The following ZNF793 variants were observed in gnomAD, a reference collection of about 807,000 sequenced individuals.
ZNF793 encodes zinc finger protein 793.
A neutral mutation model predicts 12.4 loss-of-function variants in ZNF793; 5 were observed. The observed-to-expected ratio is 0.40, with a 90% CI of 0.21 to 0.84. The LOEUF (loss-of-function observed/expected upper bound fraction) is 0.84, where lower values mean the gene tolerates loss of function less well. Among genes scored for constraint, ZNF793 ranks in the 40% least tolerant of loss-of-function variants. The pLI is 0.35. For synonymous variants in ZNF793, 162 were observed against 172.4 expected (o/e 0.94, Z 0.47); for missense variants, 456 against 495.0 (o/e 0.92, Z 0.75).
At chr19:37,512,755 A>T (rs2042303691) in intron 2 of ZNF793, among the ~76,000 whole-genome samples, 1 of 152,210 alleles carries the variant, frequency 6.6e-6, no homozygotes. Context: ...CAGGGAAGTT[A>T]ACATTGAAAT....
At chr19:37,511,530 G>C (rs1200277965) in intron 2 of ZNF793, among the ~76,000 whole-genome samples, 1 of 152,110 alleles carries the variant, frequency 6.6e-6, no homozygotes, top group Admixed American at 6.6e-5. Flanking sequence ...AATCAGATGG[G>C]CATGGTGACA....
At chr19:37,510,385 G>A (rs1360325135) in intron 2 of ZNF793, among the ~76,000 whole-genome samples, 1 of 151,376 alleles carries the variant, frequency 6.6e-6, no homozygotes, top group African/African-American at 2.4e-5. Flanking sequence ...CTTGGTGGTG[G>A]GCGCCTGTAA....
In ZNF793 at chr19:37,532,444, A is replaced by T. The variant is rs374077681; in HGVS notation, c.104A>T (p.Asp35Val). 3 of 1,612,984 alleles carry T rather than the reference A, an allele frequency of 1.9e-6. No homozygotes were observed. In the African/African-American group the frequency reaches 4.0e-5, roughly 22 times the overall value. Residue 35 changes from aspartate to valine, a missense_variant, in exon 6 of 8, where the codon GAT becomes GTT. By Grantham distance (152) the Asp-to-Val change is radical. Coordinates refer to ENST00000627814, the MANE Select transcript of ZNF793 (RefSeq NM_001013659.3). ...CCTGCTCAGAGGGCCCTGTACCGGG[A>T]TGTGATGCTGGAAACCTATAGCAAC... ...LSPAQRALYR[D>V]VMLETYSNLV...
chr19:37,525,171 C>G (rs1336836530), intron 5 of ZNF793, among the ~76,000 whole-genome samples: 1 of 149,966 alleles, frequency 6.7e-6, no homozygotes. Flanking sequence ...GAGTCTTGCT[C>G]TCTGTCGCCC....
At chr19:37,514,236 A>G (rs1415165050) in intron 2 of ZNF793, among the ~76,000 whole-genome samples, 1 of 152,228 alleles carries the variant, frequency 6.6e-6, no homozygotes, top group Non-Finnish European at 1.5e-5. Context: ...GCTATGAACG[A>G]TTAAAATACT....
At position 37,542,349 on chromosome 19, in the gene ZNF793, C is replaced by T. The variant is rs9797618; in HGVS notation, c.*4470C>T. ...CAGAGGTTGCAGTGAGCCAAGATCG[C>T]GCCATTGCACTCCAACCTGGGCAAC... On this transcript the variant is annotated 3_prime_UTR_variant, in exon 8 of 8. Transcript: ENST00000627814. 0.25 allele frequency: 73,270 copies of T among 293,558 alleles called. 10,989 individuals carry two copies. The highest frequency in any genetic ancestry group is 0.64 in the East Asian group (7,448 of 11,626). The allele number at this position is 293,558 out of a possible 1,614,324, so 18.2% of individuals were successfully genotyped here. A position where few individuals can be genotyped will look rare whatever the true frequency, so the allele number is the denominator to read the frequency against.
At chr19:37,510,607 C>T (rs2042286404) in intron 2 of ZNF793, among the ~76,000 whole-genome samples, 1 of 151,542 alleles carries the variant, frequency 6.6e-6, no homozygotes, top group African/African-American at 2.4e-5. Flanking sequence ...TTCCTTGAGC[C>T]CAGGAGTTCA....
At chr19:37,508,656 A>G (rs1363948862) in intron 2 of ZNF793, among the ~76,000 whole-genome samples, 1 of 152,174 alleles carries the variant, frequency 6.6e-6, no homozygotes, top group Non-Finnish European at 1.5e-5. Flanking sequence ...CAGTGAAACG[A>G]GATTGTACCA....
intron 5 of ZNF793, among the ~76,000 whole-genome samples, chr19:37,530,002 T>A (rs2042445493): frequency 6.6e-6 from 1 of 151,680 alleles, no homozygotes; most frequent in African/African-American, 2.4e-5. Context: ...TGTTTCTCGG[T>A]GAGGGGGATG....
At chr19:37,535,509 G>C (rs1204854672) in intron 7 of ZNF793, 1 of 151,846 alleles carries the variant, frequency 6.6e-6, no homozygotes, top group Non-Finnish European at 1.5e-5. Flanking sequence ...AAATAAGCTA[G>C]AAAATAGTTA....
rs1396117791 is a variant in ZNF793 at position 37,538,592 on chromosome 19, C to G, written c.*713C>G. 1 of 152,054 alleles carries G rather than the reference C, an allele frequency of 6.6e-6. No individual in the cohort carries two copies. Among genetic ancestry groups the G allele is most frequent in the African/African-American group, 2.4e-5 (1 of 41,366 alleles). The allele number at this position is 152,054 out of a possible 1,614,324, so 9.4% of individuals were successfully genotyped here. ...AAAGTGTTGGGATTACAGGCATGAG[C>G]CAACGCGCCCAACCGACAGTGTTGT... On this transcript the variant is annotated 3_prime_UTR_variant, in exon 8 of 8. Coordinates refer to ENST00000627814, the MANE Select transcript of ZNF793 (RefSeq NM_001013659.3).
chr19:37,520,219 C>T lies in ZNF793; in HGVS notation c.-240C>T, dbSNP rs1047015818. 2 of 152,378 alleles carry T rather than the reference C, an allele frequency of 1.3e-5. No homozygotes were observed. Among genetic ancestry groups the T allele is most frequent in the Non-Finnish European group, 2.9e-5 (2 of 68,210 alleles). The allele number at this position is 152,378 out of a possible 1,614,324, so 9.4% of individuals were successfully genotyped here. A position where few individuals can be genotyped will look rare whatever the true frequency, so the allele number is the denominator to read the frequency against. Reference sequence around the variant, plus strand: ...TGCCCTGCAGACCTTTGGATCCTGCCACCTTGCTGGACGGGAGGGCTCTCT... The same window carrying T: ...TGCCCTGCAGACCTTTGGATCCTGCTACCTTGCTGGACGGGAGGGCTCTCT... On this transcript the variant is annotated 5_prime_UTR_variant, in exon 3 of 8. Coordinates refer to ENST00000627814, the MANE Select transcript of ZNF793 (RefSeq NM_001013659.3).
At chr19:37,532,531 T>C in intron 6 of ZNF793, 49 bp downstream of exon 6, 1 of 1,511,612 alleles carries the variant, frequency 6.6e-7, no homozygotes, top group Non-Finnish European at 8.8e-7. Context: ...AATGACCACC[T>C]TTCCTTTCTC....
intron 2 of ZNF793, among the ~76,000 whole-genome samples, chr19:37,516,323 C>T (rs1011440144): frequency 1.3e-5 from 2 of 151,960 alleles, no homozygotes; most frequent in Admixed American, 6.6e-5. Context: ...TTAGTAGAGA[C>T]GGGGTTTCAC....
intron 3 of ZNF793, among the ~76,000 whole-genome samples, chr19:37,521,220 C>T (rs1172211805): frequency 6.6e-6 from 1 of 152,102 alleles, no homozygotes; most frequent in East Asian, 1.9e-4. Flanking sequence ...ATCTCCTGAC[C>T]TTGTGATCTG....
chr19:37,538,540 C>T lies in ZNF793; in HGVS notation c.*661C>T, dbSNP rs1388735299. On this transcript the variant is annotated 3_prime_UTR_variant, in exon 8 of 8. Transcript: ENST00000627814. ...TCTCGAACTCCTGACCTCGTGATACCCCCCAACCCCCCGCCCTTGGCCTCC... is the reference window on the plus strand; with the variant it reads ...TCTCGAACTCCTGACCTCGTGATACTCCCCAACCCCCCGCCCTTGGCCTCC... 4 of 152,172 alleles carry T rather than the reference C, an allele frequency of 2.6e-5. No individual in the cohort carries two copies. The highest frequency in any genetic ancestry group is 3.2e-3 in the Middle Eastern group (1 of 314). The allele number at this position is 152,172 out of a possible 1,614,324, so 9.4% of individuals were successfully genotyped here. A position where few individuals can be genotyped will look rare whatever the true frequency, so the allele number is the denominator to read the frequency against.
chr19:37,528,545 G>A (rs898548853), intron 5 of ZNF793, among the ~76,000 whole-genome samples: 1 of 152,004 alleles, frequency 6.6e-6, no homozygotes, highest in Non-Finnish European at 1.5e-5. Context: ...AGGAGCTGAG[G>A]GCAAAGGCCA....
At chr19:37,532,014 AAT>A (rs1568325183) in intron 5 of ZNF793, among the ~76,000 whole-genome samples, 6 of 141,438 alleles carry the variant, frequency 4.2e-5, no homozygotes, top group African/African-American at 7.7e-5. Context: ...TCTTGCACAA[AAT>A]TTTTTTTTTT....
intron 6 of ZNF793, among the ~76,000 whole-genome samples, chr19:37,532,768 G>A (rs1380656672): frequency 1.3e-5 from 2 of 151,960 alleles, no homozygotes; most frequent in Non-Finnish European, 1.5e-5. Context: ...TCAGTGAGCC[G>A]ATATTGCACC....
Sources: gnomAD v4.1 joint callset for allele counts (sites outside exome capture counted in the v4.1 genomes callset) on GRCh38, gnomAD v4.1.1 for gene constraint, MANE v1.5 for transcripts, NCBI Gene and HGNC (gene_info 2026-07-23, HGNC 2026-07-21) for gene names.